COL4A4: variants seen among roughly 807,000 people sequenced by gnomAD.
The protein encoded by COL4A4 is collagen alpha-4(IV) chain.
COL4A4 carries 105 observed loss-of-function variants against 192.9 expected under a neutral mutation model. That is an observed-to-expected ratio of 0.54 (90% CI 0.46 to 0.64). COL4A4 has a LOEUF of 0.64. COL4A4 is among the 30% of genes least tolerant of loss of function. COL4A4 has a pLI of 0.00. For missense variants in COL4A4, 1,967 were observed against 2,169.3 expected, an observed-to-expected ratio of 0.91 and a Z score of 1.85; for synonymous variants, 762 against 769.9, an observed-to-expected ratio of 0.99 and a Z score of 0.17.
chr2:227,116,556 G>A (rs778354787), intron 7 of COL4A4, among the ~76,000 whole-genome samples: 2 of 152,084 alleles, frequency 1.3e-5, no homozygotes, highest in African/African-American at 2.4e-5. Context: ...AGAGGAAATC[G>A]GCCAATAATG....
chr2:227,094,158 C>T lies in COL4A4; in HGVS notation c.1336G>A (p.Ala446Thr). ...CCTGGGAGGCCCTGCAGGCCTGGTG[C>T]TCCAGGCAAGCCAGGTGATCCTGGC... Reference protein sequence around the residue: ...GKPGSPGLPGAPGLQGLPGSS... With the variant: ...GKPGSPGLPGTPGLQGLPGSS... Residue 446 changes from alanine to threonine, a missense_variant, in exon 20 of 48, where the codon GCA becomes ACA. Coordinates refer to ENST00000396625, the MANE Select transcript of COL4A4 (RefSeq NM_000092.5). 1 of 1,613,688 alleles carries T rather than the reference C, an allele frequency of 6.2e-7. No individual in the cohort carries two copies. Among genetic ancestry groups the T allele is most frequent in the South Asian group, 1.1e-5 (1 of 91,028 alleles).
At chr2:227,078,566 A>T (rs995111035) in intron 24 of COL4A4, among the ~76,000 whole-genome samples, 1 of 151,984 alleles carries the variant, frequency 6.6e-6, no homozygotes, top group African/African-American at 2.4e-5. Context: ...ATATACATAC[A>T]TATAATATAA....
chr2:227,141,266 A>T (rs1269126669), intron 3 of COL4A4, among the ~76,000 whole-genome samples: 2 of 152,338 alleles, frequency 1.3e-5, no homozygotes, highest in East Asian at 1.9e-4. Context: ...ACATTTATAC[A>T]TTGGCCATAC....
intron 1 of COL4A4, among the ~76,000 whole-genome samples, chr2:227,163,283 A>T (rs1472209864): frequency 3.3e-5 from 5 of 152,214 alleles, no homozygotes. Context: ...CGGTATTTTC[A>T]TGTCACATTT....
chr2:227,140,979 T>G (rs1020667601), intron 3 of COL4A4, among the ~76,000 whole-genome samples: 1 of 149,518 alleles, frequency 6.7e-6, no homozygotes, highest in African/African-American at 2.5e-5. Flanking sequence ...ATATCCAGAG[T>G]CATCATCCAC....
chr2:227,010,301 C>G lies in COL4A4; in HGVS notation c.4522+12G>C. ...CTTCAGGCAATGGAGATGGGCGATC[C>G]TGTATCCATACCAAGGTCTTGATTG... On this transcript the variant is annotated intron_variant, in intron 46 of 47. Transcript: ENST00000396625. The G allele has an allele frequency of 6.2e-7, 1 of 1,614,174 alleles. No individual in the cohort carries two copies. The highest frequency in any genetic ancestry group is 8.5e-7 in the Non-Finnish European group (1 of 1,180,012).
At chr2:227,072,171 A>G (rs1438086492) in intron 25 of COL4A4, among the ~76,000 whole-genome samples, 2 of 152,050 alleles carry the variant, frequency 1.3e-5, no homozygotes, top group Non-Finnish European at 2.9e-5. Flanking sequence ...TAAACAAGAA[A>G]AGAAGAGAGA....
intron 37 of COL4A4, among the ~76,000 whole-genome samples, chr2:227,040,256 G>A (rs1970505967): frequency 6.6e-6 from 1 of 152,200 alleles, no homozygotes. Flanking sequence ...GGTGGAAGGA[G>A]AAAGGAAGAA....
At chr2:227,160,778 A>G (rs1413028067) in intron 1 of COL4A4, among the ~76,000 whole-genome samples, 3 of 152,224 alleles carry the variant, frequency 2.0e-5, no homozygotes, top group African/African-American at 7.2e-5. Flanking sequence ...GATAGCTACC[A>G]TAATCCACAG....
At chr2:227,103,949 T>C in intron 13 of COL4A4, 23 bp downstream of exon 13, 1 of 1,576,264 alleles carries the variant, frequency 6.3e-7, no homozygotes, top group Non-Finnish European at 8.7e-7. Flanking sequence ...CTTTCCAAGG[T>C]GACATATGGA....
intron 22 of COL4A4, among the ~76,000 whole-genome samples, chr2:227,084,028 T>C (rs903035432): frequency 5.3e-5 from 8 of 152,228 alleles, no homozygotes; most frequent in African/African-American, 1.9e-4. Flanking sequence ...GATATCACTC[T>C]AGTATAGCAT....
At chr2:227,096,008 C>T (rs974832275) in intron 19 of COL4A4, among the ~76,000 whole-genome samples, 5 of 152,168 alleles carry the variant, frequency 3.3e-5, no homozygotes, top group Admixed American at 2.6e-4. Flanking sequence ...CTGTGGAAGA[C>T]TGCATTTTTG....
At chr2:227,155,781 C>A (rs757333290) in intron 1 of COL4A4, among the ~76,000 whole-genome samples, 1 of 152,132 alleles carries the variant, frequency 6.6e-6, no homozygotes, top group Non-Finnish European at 1.5e-5. Flanking sequence ...TCTCTGTGCT[C>A]ATGGTTACTG....
intron 31 of COL4A4, 147 bp downstream of exon 31, chr2:227,054,447 T>C: frequency 1.2e-6 from 1 of 869,400 alleles, no homozygotes; most frequent in Non-Finnish European, 1.8e-6. Context: ...GAATTTTGTT[T>C]AAAATTCTAA....
At chr2:227,084,629 T>C (rs2059489476) in intron 22 of COL4A4, among the ~76,000 whole-genome samples, 2 of 152,196 alleles carry the variant, frequency 1.3e-5, no homozygotes, top group Non-Finnish European at 2.9e-5. Flanking sequence ...ACCATTACTG[T>C]AGTTTTCTTT....
At chr2:227,143,816 G>A (rs2063377510) in intron 3 of COL4A4, among the ~76,000 whole-genome samples, 1 of 152,214 alleles carries the variant, frequency 6.6e-6, no homozygotes, top group South Asian at 2.1e-4. Flanking sequence ...TATAAGTTAA[G>A]AAATGAATCT....
intron 43 of COL4A4, among the ~76,000 whole-genome samples, chr2:227,024,367 C>T (rs1966607651): frequency 6.6e-6 from 1 of 152,138 alleles, no homozygotes; most frequent in Non-Finnish European, 1.5e-5. Context: ...AAGAAATTAG[C>T]CAGGTGTGGT....
At position 227,089,902 on chromosome 2, in the gene COL4A4, A is replaced by G; in HGVS notation, c.1425T>C (p.Gly475=). ...CTTTTGGGCCTCTTCCTCCTGGGGG[A>G]CCAACTTTGCCTTTTATTCCTTGTG... is the stretch of plus-strand genomic sequence containing the variant. ...PGPQGIKGKV[G]PPGGRGPKGE... The change falls in exon 21 of 48, where the codon GGT becomes GGC. Residue 475 remains glycine (G), a synonymous_variant. Transcript: ENST00000396625. The G allele has an allele frequency of 6.2e-7, 1 of 1,613,400 alleles. No homozygotes were observed. The highest frequency in any genetic ancestry group is 8.5e-7 in the Non-Finnish European group (1 of 1,179,690).
rs762460101 is a variant in COL4A4, at chr2:227,055,993, G to A, written c.2668C>T (p.Pro890Ser). 1.3e-5 allele frequency: 21 copies of A among 1,613,918 alleles called. No homozygotes were observed. The South Asian group carries it at 2.3e-4, about 18-fold the overall frequency. The change falls in exon 30 of 48, where the codon CCA becomes TCA. Residue 890 changes from proline to serine, a missense_variant. Physicochemically the swap from Pro to Ser is moderately conservative, Grantham distance 74. Coordinates refer to ENST00000396625, the MANE Select transcript of COL4A4 (RefSeq NM_000092.5). The part of the protein sequence containing the change: ...AHGPPGLPGI[P>S]GPFGDDGLPG... ...AGCCCATCATCTCCAAAGGGACCTG[G>A]GATTCCTGGGAGGCCTGGGGGACCA...
Sources: gnomAD v4.1 joint callset for allele counts (sites outside exome capture counted in the v4.1 genomes callset) on GRCh38, gnomAD v4.1.1 for gene constraint, MANE v1.5 for transcripts, NCBI Gene and HGNC (gene_info 2026-07-23, HGNC 2026-07-21) for gene names.